Variants in DGCR2 observed in about 807,000 individuals in gnomAD.
DGCR2 encodes integral membrane protein DGCR2/IDD.
Under a neutral mutation model 51.6 loss-of-function variants are expected in DGCR2, and 24 were observed. The observed-to-expected ratio is 0.47, with a 90% CI of 0.34 to 0.65. The LOEUF is 0.65. DGCR2 is among the 30% of genes least tolerant of loss of function. The pLI, the probability that DGCR2 is intolerant of heterozygous loss-of-function variation, is 0.01. For missense variants in DGCR2, 765 were observed against 772.1 expected (o/e 0.99, Z 0.11); for synonymous variants, 340 against 315.4 (o/e 1.08, Z -0.82).
At chr22:19,106,915 G>A (rs1352703470) in intron 1 of DGCR2, among the ~76,000 whole-genome samples, 2 of 151,840 alleles carry the variant, frequency 1.3e-5, no homozygotes, top group South Asian at 2.1e-4. Flanking sequence ...GCAGTCAGCA[G>A]AGCCTCTGGG....
At chr22:19,073,067 G>A (rs1414755014) in intron 2 of DGCR2, among the ~76,000 whole-genome samples, 5 of 151,840 alleles carry the variant, frequency 3.3e-5, no homozygotes, top group Admixed American at 2.0e-4. Context: ...GACCAGCCTG[G>A]GCAACACAGC....
chr22:19,039,886 A>T (rs1172363737), intron 9 of DGCR2, among the ~76,000 whole-genome samples: 1 of 146,622 alleles, frequency 6.8e-6, no homozygotes, highest in African/African-American at 2.5e-5. Flanking sequence ...CTAGTTCTGA[A>T]TTTTTTGTGG....
chr22:19,059,222 A>C (rs2238736), intron 5 of DGCR2, among the ~76,000 whole-genome samples: 2 of 151,872 alleles, frequency 1.3e-5, no homozygotes, highest in Admixed American at 6.6e-5. Context: ...AAGGACCCCC[A>C]GCAGCTGTGT....
intron 5 of DGCR2, among the ~76,000 whole-genome samples, chr22:19,062,829 A>G (rs145643911): frequency 2.4e-3 from 314 of 131,324 alleles, no homozygotes; most frequent in Non-Finnish European, 3.5e-3. Context: ...AGTTTCCTTC[A>G]GGTCTGGATT....
chr22:19,078,529 T>A (rs550279804), intron 2 of DGCR2, among the ~76,000 whole-genome samples: 1 of 152,332 alleles, frequency 6.6e-6, no homozygotes, highest in South Asian at 2.1e-4. Context: ...GGGATAACTT[T>A]ACTTCTCCCT....
intron 2 of DGCR2, among the ~76,000 whole-genome samples, chr22:19,068,646 G>A (rs2082778317): frequency 6.6e-6 from 1 of 152,304 alleles, no homozygotes; most frequent in East Asian, 1.9e-4. Context: ...GTATGAAGGA[G>A]ACCCACGTGT....
intron 1 of DGCR2, among the ~76,000 whole-genome samples, chr22:19,102,315 G>A (rs565114527): frequency 6.6e-6 from 1 of 152,326 alleles, no homozygotes; most frequent in South Asian, 2.1e-4. Flanking sequence ...TTTCTGTTTG[G>A]ATTGACAAAA....
Position 19,048,448 on chromosome 22 carries a change from A to C in DGCR2, c.998T>G (p.Leu333Arg). 2 of 1,614,220 alleles carry C rather than the reference A, an allele frequency of 1.2e-6. No individual in the cohort carries two copies. Among genetic ancestry groups the C allele is most frequent in the Non-Finnish European group, 1.7e-6 (2 of 1,180,042 alleles). The change falls in exon 7 of 10, where the codon CTG becomes CGG. Residue 333 changes from leucine (L) to arginine (R), a missense_variant. Around this residue, in one of 3 missense-constraint regions of DGCR2, gnomAD observed 190 missense variants for 265.2 expected, o/e 0.72. Coordinates refer to ENST00000263196, the MANE Select transcript of DGCR2 (RefSeq NM_005137.3). ...CCTATCAAGAGTCTCACCTGGGTCC[A>C]GACACATGAACTTGCAGCACTCTTT... ...DPKECCKFMC[L>R]DPDGNSLFDS...
chr22:19,063,865 C>T (rs1009530486), intron 4 of DGCR2, among the ~76,000 whole-genome samples: 1 of 152,162 alleles, frequency 6.6e-6, no homozygotes, highest in Admixed American at 6.5e-5. Flanking sequence ...TATGCTAAAA[C>T]CATAGGACAG....
At chr22:19,072,336 C>A (rs992033244) in intron 2 of DGCR2, among the ~76,000 whole-genome samples, 1 of 152,118 alleles carries the variant, frequency 6.6e-6, no homozygotes, top group Admixed American at 6.5e-5. Context: ...AGATTCCCAA[C>A]GAAACATATC....
At chr22:19,083,141 G>C (rs2082960218) in intron 2 of DGCR2, among the ~76,000 whole-genome samples, 1 of 151,710 alleles carries the variant, frequency 6.6e-6, no homozygotes, top group South Asian at 2.1e-4. Flanking sequence ...AGGTCTTAAA[G>C]ATAGTCTCCT....
intron 4 of DGCR2, among the ~76,000 whole-genome samples, chr22:19,063,672 GAC>G (rs1335108709): frequency 6.6e-6 from 1 of 151,948 alleles, no homozygotes; most frequent in African/African-American, 2.4e-5. Context: ...TCTAACATGA[GAC>G]ACTCATGTTA....
Position 19,065,044 on chromosome 22 carries a change from C to T in DGCR2, c.352G>A (p.Gly118Arg), listed in dbSNP as rs1198207989. The T allele has an allele frequency of 6.2e-7, 1 of 1,613,998 alleles. No homozygotes were observed. The highest frequency in any genetic ancestry group is 8.5e-7 in the Non-Finnish European group (1 of 1,180,026). ...FSSFLGKCPTGWHHYEGTASC... is the reference protein window; with the variant it reads ...FSSFLGKCPTRWHHYEGTASC... ...GCCGTGCCTTCGTAGTGGTGCCACC[C>T]TGTCGGGCACTTCCCTAGGAAACAT... The change falls in exon 4 of 10, where the codon GGG becomes AGG. Residue 118 changes from glycine (G) to arginine (R), a missense_variant. By Grantham distance (125) the Gly-to-Arg change is moderately radical. Transcript: ENST00000263196.
At chr22:19,066,560 G>A (rs1478585760) in intron 3 of DGCR2, among the ~76,000 whole-genome samples, 2 of 152,234 alleles carry the variant, frequency 1.3e-5, no homozygotes, top group Non-Finnish European at 2.9e-5. Context: ...CCCCGCAGGT[G>A]GCTCTGCACC....
chr22:19,076,120 C>A (rs182598484), intron 2 of DGCR2, among the ~76,000 whole-genome samples: 1 of 141,818 alleles, frequency 7.1e-6, no homozygotes, highest in East Asian at 2.0e-4. Flanking sequence ...CCATGACGCC[C>A]AGCTAATTTT....
At chr22:19,083,600 T>C (rs1219548267) in intron 2 of DGCR2, among the ~76,000 whole-genome samples, 1 of 152,198 alleles carries the variant, frequency 6.6e-6, no homozygotes, top group Admixed American at 6.5e-5. Context: ...TGTCTCTTAA[T>C]AAAACTGCAA....
chr22:19,056,563 A>G, intron 6 of DGCR2: 1 of 359,778 alleles, frequency 2.8e-6, no homozygotes, highest in Non-Finnish European at 5.0e-6. Context: ...ATAAAAAAAA[A>G]AAAACACACA....
chr22:19,082,651 G>A (rs1340414210), intron 2 of DGCR2, among the ~76,000 whole-genome samples: 1 of 152,096 alleles, frequency 6.6e-6, no homozygotes, highest in Non-Finnish European at 1.5e-5. Flanking sequence ...TCGGGAGGCT[G>A]AGGCAGGAGA....
At chr22:19,085,115 A>AC (rs1163076991) in intron 2 of DGCR2, among the ~76,000 whole-genome samples, 2 of 151,876 alleles carry the variant, frequency 1.3e-5, no homozygotes, top group Non-Finnish European at 2.9e-5. Context: ...GAAAAAAAAA[A>AC]AAAAACAAAG....
Sources: gnomAD v4.1 joint callset for allele counts (sites outside exome capture counted in the v4.1 genomes callset) on GRCh38, gnomAD v4.1.1 for gene constraint, gnomAD v4.1.1 regional missense constraint, MANE v1.5 for transcripts, NCBI Gene and HGNC (gene_info 2026-07-23, HGNC 2026-07-21) for gene names.